PARP3: variants seen among roughly 807,000 people sequenced by gnomAD.
PARP3 encodes poly(ADP-ribose) polymerase family member 3.
PARP3 carries 46 observed loss-of-function variants against 58.2 expected under a neutral mutation model. The observed-to-expected ratio is 0.79, with a 90% CI of 0.62 to 1.01. The LOEUF (loss-of-function observed/expected upper bound fraction) is 1.01, where lower values mean the gene tolerates loss of function less well. Among genes scored for constraint, PARP3 ranks in the 50% least tolerant of loss-of-function variants. The probability of loss-of-function intolerance (pLI) is 0.00; values close to 1 mark genes in which losing one functional copy is unlikely to be tolerated. For synonymous variants in PARP3, 252 were observed against 266.4 expected (o/e 0.95, Z 0.53); for missense variants, 663 against 683.9 (o/e 0.97, Z 0.34).
Position 51,946,325 on chromosome 3 carries a change from A to G in PARP3, c.1258A>G (p.Ser420Gly). 8 of 1,608,654 alleles carry G rather than the reference A, an allele frequency of 5.0e-6. No individual in the cohort carries two copies. Among genetic ancestry groups the G allele is most frequent in the Non-Finnish European group, 6.8e-6 (8 of 1,177,006 alleles). ...GGGCATCTACTTTGCCTCAGAGAACAGCAAGTCAGCTGGATATGGTGAGGT... is the reference window on the plus strand; with the variant it reads ...GGGCATCTACTTTGCCTCAGAGAACGGCAAGTCAGCTGGATATGGTGAGGT... ...GKGIYFASEN[S>G]KSAGYVIGMK... The change falls in exon 9 of 11, where the codon AGC becomes GGC. Residue 420 changes from serine (S) to glycine (G), a missense_variant. Around this residue, in one of 3 missense-constraint regions of PARP3, gnomAD observed 567 missense variants for 553.6 expected, o/e 1.02. Coordinates refer to ENST00000398755, the MANE Select transcript of PARP3 (RefSeq NM_001003931.4). The surrounding 1 kb of genome is among the most constrained non-coding windows in gnomAD (Gnocchi z 4.6).
chr3:51,947,957 ATTTT>A, intron 10 of PARP3, 62 bp downstream of exon 10: 3 of 1,522,084 alleles, frequency 2.0e-6, no homozygotes, highest in Non-Finnish European at 2.7e-6. Flanking sequence ...GGGCTGGGAC[ATTTT>A]CAGGGAGGGG....
At chr3:51,942,973 GAC>G (rs970464959) in intron 1 of PARP3, 13 of 1,406,892 alleles carry the variant, frequency 9.2e-6, no homozygotes, top group Non-Finnish European at 9.2e-7. Flanking sequence ...TGAACTAGCT[GAC>G]ACAGGGGGAG....
Position 51,945,904 on chromosome 3 carries a change from C to G in PARP3, c.1063C>G (p.Leu355Val). 6.2e-7 allele frequency: 1 copy of G among 1,614,176 alleles called. No homozygotes were observed. Among genetic ancestry groups the G allele is most frequent in the Non-Finnish European group, 8.5e-7 (1 of 1,180,006 alleles). The change falls in exon 8 of 11, where the codon CTT becomes GTT. Residue 355 changes from leucine (L) to valine (V), a missense_variant. By Grantham distance (32) the Leu-to-Val change is conservative. Transcript: ENST00000398755. ...QTGSNHRCPT[L>V]QHIWKVNQEG... ...TGGCAGCAACCACAGGTGCCCTACA[C>G]TTCAACACATCTGGAAAGTAAACCA...
intron 10 of PARP3, 100 bp downstream of exon 10, chr3:51,947,995 G>A (rs1005791052): frequency 9.1e-6 from 11 of 1,212,782 alleles, no homozygotes; most frequent in Non-Finnish European, 1.3e-5. Flanking sequence ...ACAAAAAGAA[G>A]CTTCCCTGTC....
At position 51,943,379 on chromosome 3, in the gene PARP3, G is replaced by A. The variant is rs2106687460; in HGVS notation, c.24G>A (p.Trp8Ter). The stretch of plus-strand genomic sequence containing the variant: ...CCATGGCTCCAAAGCCGAAGCCCTG[G>A]GTACAGACTGAGGGCCCTGAGAAGA... The part of the protein sequence containing the change: MAPKPKP[W>*]VQTEGPEKKK... The change falls in exon 2 of 11, where the codon TGG becomes TGA. Residue 8 changes from tryptophan (W) to a stop codon, truncating the protein, a stop_gained. Coordinates refer to ENST00000398755, the MANE Select transcript of PARP3 (RefSeq NM_001003931.4). LOFTEE classifies it high-confidence loss of function. 1.9e-6 allele frequency: 3 copies of A among 1,594,534 alleles called. No individual in the cohort carries two copies. The highest frequency in any genetic ancestry group is 1.7e-6 in the Non-Finnish European group (2 of 1,171,492).
rs1270008753 is a variant in PARP3 at position 51,944,593 on chromosome 3, G to A, written c.501+15G>A. The stretch of plus-strand genomic sequence containing the variant: ...CTGTGGTGAAGGTGAGATGGCCAAG[G>A]AAGGTGGGCAGGCCCTGGACTGAGG... On this transcript the variant is annotated intron_variant, in intron 4 of 10. Transcript: ENST00000398755. This position sits in a 1 kb window ranked among gnomAD's most constrained non-coding sequence, Gnocchi z 4.2. The A allele has an allele frequency of 2.1e-5, 34 of 1,613,244 alleles. No individual in the cohort carries two copies. Among genetic ancestry groups the A allele is most frequent in the Non-Finnish European group, 2.8e-5 (33 of 1,179,372 alleles).
At chr3:51,948,187 G>T in intron 10 of PARP3, 124 bp from the exon 11 acceptor site, 2 of 1,025,556 alleles carry the variant, frequency 2.0e-6, no homozygotes, top group South Asian at 1.6e-5. Context: ...GTTTGGAGGT[G>T]GGCAAGGTGG....
In PARP3 at chr3:51,942,859, C is replaced by T. The variant is rs574438160; in HGVS notation, c.-3+151C>T. On this transcript the variant is annotated intron_variant, in intron 1 of 10. Transcript: ENST00000398755. Reference sequence around the variant, plus strand: ...GGAAGGGCTTCTACAGCTCTGGGTTCTAAGCTCCGGGAGGATAATCTGGCC... The same window carrying T: ...GGAAGGGCTTCTACAGCTCTGGGTTTTAAGCTCCGGGAGGATAATCTGGCC... The T allele has an allele frequency of 1.5e-4, 219 of 1,443,744 alleles. 3 individuals are homozygous for T. The South Asian group carries it at 2.9e-3, about 19-fold the overall frequency. 89.4% of individuals were successfully genotyped at this position (1,443,744 alleles called of 1,614,324 possible).
chr3:51,945,209 G>A lies in PARP3; in HGVS notation c.846G>A (p.Lys282=), dbSNP rs756601875. 9 of 1,613,862 alleles carry A rather than the reference G, an allele frequency of 5.6e-6. No homozygotes were observed. The South Asian group carries it at 8.8e-5, about 16-fold the overall frequency. The change falls in exon 6 of 11, where the codon AAG becomes AAA. Residue 282 remains lysine (K), a synonymous_variant. Transcript: ENST00000398755. ...ATTCCCCTGAGCTTCTGCAGGCCAA[G>A]AAGGACATGCTGCTGGTGAGGGCTG... ...PINSPELLQA[K]KDMLLVLADI... is the part of the protein sequence containing the mutation.
At position 51,942,797 on chromosome 3, in the gene PARP3, C is replaced by T. The variant is rs548532804; in HGVS notation, c.-3+89C>T. On this transcript the variant is annotated intron_variant, in intron 1 of 10. Transcript: ENST00000398755. ...CCTCTATCAGTTCAAGGCCACTGAT[C>T]CGGAGTTCTGGCTCCTCAGAACTCT... The T allele has an allele frequency of 4.0e-6, 6 of 1,511,156 alleles. 1 individual carries two copies. In the Admixed American group the frequency reaches 1.1e-4, roughly 28 times the overall value. 93.6% of individuals were successfully genotyped at this position (1,511,156 alleles called of 1,614,324 possible).
intron 10 of PARP3, 29 bp downstream of exon 10, chr3:51,947,924 G>C: frequency 6.2e-7 from 1 of 1,608,226 alleles, no homozygotes; most frequent in East Asian, 2.2e-5. Flanking sequence ...TACAGCCCAA[G>C]GAGAGAGGTG....
At position 51,944,586 on chromosome 3, in the gene PARP3, G is replaced by C; in HGVS notation, c.501+8G>C. On this transcript the variant is annotated splice_region_variant and intron_variant, in intron 4 of 10. Coordinates refer to ENST00000398755, the MANE Select transcript of PARP3 (RefSeq NM_001003931.4). The surrounding 1 kb of genome is among the most constrained non-coding windows in gnomAD (Gnocchi z 4.2). ...CAGGAAGCTGTGGTGAAGGTGAGAT[G>C]GCCAAGGAAGGTGGGCAGGCCCTGG... 1 of 1,613,536 alleles carries C rather than the reference G, an allele frequency of 6.2e-7. No individual in the cohort carries two copies. The highest frequency in any genetic ancestry group is 8.5e-7 in the Non-Finnish European group (1 of 1,179,536).
chr3:51,943,185 G>T, intron 1 of PARP3, 169 bp from the exon 2 acceptor site: 1 of 931,066 alleles, frequency 1.1e-6, no homozygotes, highest in Non-Finnish European at 1.6e-6. Context: ...CTGGGGCTGG[G>T]AATGCCGTCA....
At chr3:51,948,268 C>T (rs1295352227) in intron 10 of PARP3, 43 bp from the exon 11 acceptor site, 1 of 1,578,394 alleles carries the variant, frequency 6.3e-7, no homozygotes, top group African/African-American at 1.3e-5. Flanking sequence ...AGGCCTGGGA[C>T]CAGTGACCCC....
Position 51,942,393 on chromosome 3 carries a change from C to G in PARP3, c.-318C>G. On this transcript the variant is annotated 5_prime_UTR_variant, in exon 1 of 11. Coordinates refer to ENST00000398755, the MANE Select transcript of PARP3 (RefSeq NM_001003931.4). ...GCGACCGGCAGATGCGTGCTGCAGG[C>G]CCCGGCCACATGAGCAGCGCTACGG... 1.8e-6 allele frequency: 1 copy of G among 549,660 alleles called. No homozygotes were observed. The highest frequency in any genetic ancestry group is 3.3e-6 in the Non-Finnish European group (1 of 303,744). 34.0% of individuals were successfully genotyped at this position (549,660 alleles called of 1,614,324 possible). A position where few individuals can be genotyped will look rare whatever the true frequency, so the allele number is the denominator to read the frequency against.
Position 51,948,393 on chromosome 3 carries a change from C to T in PARP3, c.1515C>T (p.Phe505=), listed in dbSNP as rs1699730397. The change falls in exon 11 of 11, where the codon TTC becomes TTT. Residue 505 remains phenylalanine (F), a synonymous_variant. Transcript: ENST00000398755. Reference sequence around the variant, plus strand: ...GCCAGCCTGTGCCCTGCCCAGAGTTCAGCAGCTCCACATTCTCCCAGAGCG... The same window carrying T: ...GCCAGCCTGTGCCCTGCCCAGAGTTTAGCAGCTCCACATTCTCCCAGAGCG... ...PQGQPVPCPE[F]SSSTFSQSEY... The T allele has an allele frequency of 6.2e-7, 1 of 1,614,120 alleles. No individual in the cohort carries two copies. The highest frequency in any genetic ancestry group is 1.3e-5 in the African/African-American group (1 of 75,068).
intron 1 of PARP3, chr3:51,942,960 G>A (rs1187549377): frequency 7.1e-7 from 1 of 1,410,676 alleles, no homozygotes; most frequent in African/African-American, 1.4e-5. Flanking sequence ...ACCATGCCAG[G>A]GCTGAACTAG....
At position 51,944,509 on chromosome 3, in the gene PARP3, G is replaced by T. The variant is rs754058771; in HGVS notation, c.432G>T (p.Val144=). Residue 144 remains valine, a synonymous_variant, in exon 4 of 11, where the codon GTG becomes GTT. Transcript: ENST00000398755. The surrounding 1 kb of genome is among the most constrained non-coding windows in gnomAD (Gnocchi z 4.2). ...KNNWAERDHF[V]SHPGKYTLIE... Reference sequence around the variant, plus strand: ...ACTGGGCAGAGCGGGACCACTTTGTGTCTCACCCGGGCAAGTACACACTTA... The same window carrying T: ...ACTGGGCAGAGCGGGACCACTTTGTTTCTCACCCGGGCAAGTACACACTTA... 4 of 1,614,206 alleles carry T rather than the reference G, an allele frequency of 2.5e-6. No homozygotes were observed. Among genetic ancestry groups the T allele is most frequent in the South Asian group, 2.2e-5 (2 of 91,082 alleles).
intron 1 of PARP3, chr3:51,943,004 G>C: frequency 1.4e-6 from 2 of 1,401,238 alleles, no homozygotes; most frequent in Non-Finnish European, 1.8e-6. Context: ...AAGTGGAAGA[G>C]AGAGAGCCTC....
Sources: gnomAD v4.1 joint callset for allele counts on GRCh38, gnomAD v4.1.1 for gene constraint, gnomAD v4.1.1 regional missense constraint, Gnocchi (gnomAD v3.1) non-coding constraint, MANE v1.5 for transcripts, NCBI Gene and HGNC (gene_info 2026-07-23, HGNC 2026-07-21) for gene names.